Variants in FSTL4 observed in about 807,000 individuals in gnomAD.
FSTL4 encodes the protein follistatin-related protein 4.
Under a neutral mutation model 78.2 loss-of-function variants are expected in FSTL4, and 28 were observed. The ratio of observed to expected loss-of-function variants is 0.36; its 90% CI spans 0.27 to 0.49. The LOEUF (loss-of-function observed/expected upper bound fraction) is 0.49, where lower values mean the gene tolerates loss of function less well. Among genes scored for constraint, FSTL4 ranks in the 20% least tolerant of loss-of-function variants. The pLI is 0.98. For synonymous variants in FSTL4, 422 were observed against 440.5 expected, an observed-to-expected ratio of 0.96 and a Z score of 0.53; for missense variants, 922 against 1,084.9, an observed-to-expected ratio of 0.85 and a Z score of 2.11.
At chr5:133,409,278 A>G (rs1341244074) in intron 3 of FSTL4, among the ~76,000 whole-genome samples, 1 of 152,142 alleles carries the variant, frequency 6.6e-6, no homozygotes, top group East Asian at 1.9e-4. Flanking sequence ...CTGCCAGAGG[A>G]ACCCTGGTGA....
chr5:133,317,931 G>C (rs1299730601), intron 4 of FSTL4, among the ~76,000 whole-genome samples: 3 of 152,136 alleles, frequency 2.0e-5, no homozygotes, highest in East Asian at 3.9e-4. Context: ...AGGGATGATG[G>C]GGAAGTCTGT....
At chr5:133,738,791 C>T in the FSTL4 span, among the ~76,000 whole-genome samples, 5 of 152,208 alleles carry the variant, frequency 3.3e-5, no homozygotes, top group South Asian at 2.1e-4. Flanking sequence ...CTAAGCATTG[C>T]GTGTAGGAGT....
At chr5:133,315,052 C>T (rs1010174038) in intron 5 of FSTL4, among the ~76,000 whole-genome samples, 1 of 152,176 alleles carries the variant, frequency 6.6e-6, no homozygotes, top group African/African-American at 2.4e-5. Context: ...ATTCCAGCTA[C>T]TTGGGAGGCT....
intron 1 of FSTL4, among the ~76,000 whole-genome samples, chr5:133,608,534 A>T (rs987594460): frequency 2.0e-5 from 3 of 152,252 alleles, no homozygotes; most frequent in African/African-American, 7.2e-5. Flanking sequence ...CCCCAGGGCA[A>T]CTGTTTGGTT....
chr5:133,527,386 T>TTCACCCCCAAATCAGGCAGGGC, intron 3 of FSTL4, among the ~76,000 whole-genome samples: 1 of 152,084 alleles, frequency 6.6e-6, no homozygotes, highest in East Asian at 1.9e-4. Flanking sequence ...AAGACCAGGG[T>TTCACCCCCAAATCAGGCAGGGC]TCACCCCCAA....
chr5:133,780,374 C>T, the FSTL4 span, among the ~76,000 whole-genome samples: 2 of 152,152 alleles, frequency 1.3e-5, no homozygotes, highest in Admixed American at 1.3e-4. Flanking sequence ...TTGTCACTGG[C>T]TCCATCTCTC....
At chr5:133,300,517 C>A (rs1753510449) in intron 6 of FSTL4, among the ~76,000 whole-genome samples, 1 of 152,288 alleles carries the variant, frequency 6.6e-6, no homozygotes, top group South Asian at 2.1e-4. Context: ...TACAGTTGGC[C>A]TGGACAGTAT....
chr5:133,386,268 T>C (rs1755699551), intron 4 of FSTL4, among the ~76,000 whole-genome samples: 1 of 152,226 alleles, frequency 6.6e-6, no homozygotes, highest in African/African-American at 2.4e-5. Flanking sequence ...GGGTAGGATG[T>C]GTAAAATCAC....
At chr5:133,378,742 GAAAA>G (rs1755500836) in intron 4 of FSTL4, among the ~76,000 whole-genome samples, 1 of 151,810 alleles carries the variant, frequency 6.6e-6, no homozygotes, top group African/African-American at 2.4e-5. Context: ...GTAAACCCCA[GAAAA>G]ATCACTAAAA....
At chr5:133,822,577 A>C in the FSTL4 span, among the ~76,000 whole-genome samples, 1 of 152,102 alleles carries the variant, frequency 6.6e-6, no homozygotes, top group African/African-American at 2.4e-5. Flanking sequence ...GTGAGGGTGG[A>C]GCCGTGGGAA....
At chr5:133,764,194 C>T in the FSTL4 span, among the ~76,000 whole-genome samples, 1 of 152,200 alleles carries the variant, frequency 6.6e-6, no homozygotes, top group African/African-American at 2.4e-5. Flanking sequence ...TGAACACTGC[C>T]TTTTCCTTCC....
At chr5:133,815,389 T>G in the FSTL4 span, among the ~76,000 whole-genome samples, 1 of 152,232 alleles carries the variant, frequency 6.6e-6, no homozygotes, top group East Asian at 1.9e-4. Context: ...GTCTGGACAA[T>G]GCCTCCTGCC....
At chr5:133,348,508 G>A (rs1754748933) in intron 4 of FSTL4, among the ~76,000 whole-genome samples, 1 of 152,244 alleles carries the variant, frequency 6.6e-6, no homozygotes, top group African/African-American at 2.4e-5. Context: ...ATAGGAGTTG[G>A]TGGGGGTCCC....
the FSTL4 span, among the ~76,000 whole-genome samples, chr5:133,670,606 A>G: frequency 3.9e-5 from 6 of 152,180 alleles, no homozygotes; most frequent in African/African-American, 1.4e-4. Context: ...CAAACAGGAG[A>G]GTTTATTGCT....
chr5:133,818,019 G>A, the FSTL4 span, among the ~76,000 whole-genome samples: 1 of 152,220 alleles, frequency 6.6e-6, no homozygotes, highest in Non-Finnish European at 1.5e-5. Flanking sequence ...AGGGAACTGG[G>A]AGTAAACATG....
At chr5:133,574,202 T>C (rs1447350012) in intron 2 of FSTL4, among the ~76,000 whole-genome samples, 3 of 152,198 alleles carry the variant, frequency 2.0e-5, no homozygotes, top group African/African-American at 4.8e-5. Flanking sequence ...AATAACCTAA[T>C]TGAAGAATGA....
chr5:133,239,870 A>G lies in FSTL4; in HGVS notation c.895-6333T>C, dbSNP rs1751782177. 2.0e-5 allele frequency among the ~76,000 whole-genome samples: 3 copies of G among 152,214 alleles called. No individual in the cohort carries two copies. The South Asian group carries it at 6.2e-4, about 32-fold the overall frequency. On this transcript the variant is annotated intron_variant, in intron 7 of 15. Transcript: ENST00000265342. ...AACGCACCAATCAGCACCCTGTCAA[A>G]ACGGACCAATCAGCTCTCTGTAAAA... is the stretch of plus-strand genomic sequence containing the variant.
chr5:133,698,790 T>G, the FSTL4 span, among the ~76,000 whole-genome samples: 1 of 152,208 alleles, frequency 6.6e-6, no homozygotes, highest in Non-Finnish European at 1.5e-5. Flanking sequence ...CAAAGTCCCC[T>G]CTGGGCTGGA....
At chr5:133,333,593 G>A (rs139286531) in intron 4 of FSTL4, among the ~76,000 whole-genome samples, 238 of 152,318 alleles carry the variant, frequency 1.6e-3, no homozygotes, top group African/African-American at 5.4e-3. Context: ...CGTCTGGGCT[G>A]GTCATCTATC....
Sources: gnomAD v4.1 joint callset for allele counts (sites outside exome capture counted in the v4.1 genomes callset) on GRCh38, gnomAD v4.1.1 for gene constraint, MANE v1.5 for transcripts, NCBI Gene and HGNC (gene_info 2026-07-23, HGNC 2026-07-21) for gene names.